Variants in NTNG1 observed in about 807,000 individuals in gnomAD.
NTNG1 encodes netrin G1.
NTNG1 carries 16 observed loss-of-function variants against 54.0 expected under a neutral mutation model. The observed-to-expected ratio is 0.30, with a 90% CI of 0.20 to 0.45. NTNG1 has a LOEUF of 0.45. Among genes scored for constraint, NTNG1 ranks in the 20% least tolerant of loss-of-function variants. NTNG1 has a pLI of 1.00. For missense variants in NTNG1, 530 were observed against 678.7 expected, an observed-to-expected ratio of 0.78 and a Z score of 2.43; for synonymous variants, 255 against 263.1, an observed-to-expected ratio of 0.97 and a Z score of 0.30.
intron 5 of NTNG1, chr1:107,418,741 G>T: frequency 1.5e-6 from 1 of 689,338 alleles, no homozygotes; most frequent in South Asian, 1.9e-5. Context: ...GCATTATCAT[G>T]AATGCTATGT....
intron 2 of NTNG1, among the ~76,000 whole-genome samples, chr1:107,300,684 C>A (rs576829667): frequency 1.3e-3 from 199 of 152,234 alleles, no homozygotes; most frequent in African/African-American, 4.5e-3. Context: ...TCAGTTCAAG[C>A]AAGTGATTCA....
At chr1:107,426,318 T>C (rs1315005199) in intron 5 of NTNG1, among the ~76,000 whole-genome samples, 1 of 151,802 alleles carries the variant, frequency 6.6e-6, no homozygotes, top group Non-Finnish European at 1.5e-5. Context: ...TATATGTAGG[T>C]CCTTAATCCA....
At chr1:107,287,127 A>G (rs1444557658) in intron 2 of NTNG1, among the ~76,000 whole-genome samples, 1 of 152,176 alleles carries the variant, frequency 6.6e-6, no homozygotes, top group African/African-American at 2.4e-5. Flanking sequence ...GTATTTATTT[A>G]TAAGAAGAAG....
In NTNG1 at chr1:107,324,609, T is replaced by A. The variant is rs768997021; in HGVS notation, c.574T>A (p.Ser192Thr). Residue 192 changes from serine to threonine, a missense_variant, in exon 3 of 8, where the codon TCC (serine) becomes ACC (threonine). This residue lies in a region of NTNG1 where 318 missense variants were observed against 465.1 expected (regional missense o/e 0.68). Coordinates refer to ENST00000370068, the MANE Select transcript of NTNG1 (RefSeq NM_001113226.3). The stretch of plus-strand genomic sequence containing the variant: ...AGATGCTTTTCACATGGATCCTAAA[T>A]CCGTGAAGGATTTATCACAGCATAC... ...CLDAFHMDPK[S>T]VKDLSQHTVL... The A allele has an allele frequency of 1.2e-6, 2 of 1,613,662 alleles. No individual in the cohort carries two copies. Among genetic ancestry groups the A allele is most frequent in the South Asian group, 2.2e-5 (2 of 91,080 alleles).
intron 2 of NTNG1, among the ~76,000 whole-genome samples, chr1:107,293,861 T>A (rs1665779112): frequency 6.6e-6 from 1 of 151,282 alleles, no homozygotes; most frequent in African/African-American, 2.4e-5. Flanking sequence ...TAAAAGTGGT[T>A]ATCTTGGAAT....
At chr1:107,469,821 C>T (rs193043544) in intron 7 of NTNG1, among the ~76,000 whole-genome samples, 128 of 152,150 alleles carry the variant, frequency 8.4e-4, no homozygotes, top group African/African-American at 2.9e-3. Flanking sequence ...ATGACAGCAA[C>T]AATAAACAGG....
intron 3 of NTNG1, among the ~76,000 whole-genome samples, chr1:107,372,394 A>G (rs1356903990): frequency 6.6e-6 from 1 of 151,950 alleles, no homozygotes; most frequent in Non-Finnish European, 1.5e-5. Context: ...AAAAATCTCA[A>G]AAGGGAAACT....
chr1:107,266,554 T>C (rs1389078477), intron 2 of NTNG1, among the ~76,000 whole-genome samples: 1 of 151,444 alleles, frequency 6.6e-6, no homozygotes, highest in Non-Finnish European at 1.5e-5. Flanking sequence ...TCCTCTAACA[T>C]TGGGGATTAC....
At chr1:107,204,144 T>C (rs1658989213) in intron 2 of NTNG1, among the ~76,000 whole-genome samples, 1 of 152,054 alleles carries the variant, frequency 6.6e-6, no homozygotes, top group South Asian at 2.1e-4. Context: ...GTTTTGTTTT[T>C]CCCCCTCTGG....
chr1:107,398,485 A>T (rs568954307), intron 4 of NTNG1, among the ~76,000 whole-genome samples: 1 of 152,268 alleles, frequency 6.6e-6, no homozygotes, highest in Admixed American at 6.5e-5. Context: ...GTTCAAGACC[A>T]CTGTTGTATG....
rs540661044 is a variant in NTNG1, at chr1:107,427,446, C to A, written c.1088-3304C>A. On this transcript the variant is annotated intron_variant, in intron 5 of 7. Coordinates refer to ENST00000370068, the MANE Select transcript of NTNG1 (RefSeq NM_001113226.3). Reference sequence around the variant, plus strand: ...GTAGGATAATGCAACTCAAGCTGTACCTTAATAGGTTCTGTGCCTGTGTGG... The same window carrying A: ...GTAGGATAATGCAACTCAAGCTGTAACTTAATAGGTTCTGTGCCTGTGTGG... 4.1e-4 allele frequency among the ~76,000 whole-genome samples: 63 copies of A among 152,082 alleles called. No individual in the cohort carries two copies. The South Asian group carries it at 0.012, about 28-fold the overall frequency.
rs374436532 is a variant in NTNG1 at position 107,460,868 on chromosome 1, T to TG, written c.1391-19740dup. On this transcript the variant is annotated intron_variant, in intron 7 of 7. Coordinates refer to ENST00000370068, the MANE Select transcript of NTNG1 (RefSeq NM_001113226.3). ...TAGAGGGTCTGGCAGCCCCGTGTAC[T>TG]GGGCTGCTAATGGTGTTCAGTAGTT... Among the ~76,000 whole-genome samples the TG allele has an allele frequency of 2.8e-4, 42 of 152,324 alleles. No individual in the cohort carries two copies. The Middle Eastern group carries it at 0.014, about 49-fold the overall frequency.
At chr1:107,278,976 A>G (rs141952068) in intron 2 of NTNG1, among the ~76,000 whole-genome samples, 1 of 152,274 alleles carries the variant, frequency 6.6e-6, no homozygotes, top group East Asian at 1.9e-4. Flanking sequence ...TGCTATAACC[A>G]TAACCAGGGT....
At chr1:107,477,270 T>A (rs548893360) in intron 7 of NTNG1, among the ~76,000 whole-genome samples, 1 of 152,310 alleles carries the variant, frequency 6.6e-6, no homozygotes, top group South Asian at 2.1e-4. Flanking sequence ...TAGGAACCTC[T>A]AACGGTGTGA....
chr1:107,325,594 T>A (rs1245957190), intron 3 of NTNG1, among the ~76,000 whole-genome samples: 1 of 152,118 alleles, frequency 6.6e-6, no homozygotes, highest in Non-Finnish European at 1.5e-5. Context: ...AGCTTTGGTT[T>A]TGATAATATA....
At chr1:107,360,719 G>A (rs938166001) in intron 3 of NTNG1, among the ~76,000 whole-genome samples, 8 of 152,102 alleles carry the variant, frequency 5.3e-5, no homozygotes, top group Non-Finnish European at 8.8e-5. Flanking sequence ...ATATTAGAAA[G>A]CATTTAAGTA....
chr1:107,329,838 C>T (rs1035420800), intron 3 of NTNG1, among the ~76,000 whole-genome samples: 2 of 151,914 alleles, frequency 1.3e-5, no homozygotes, highest in Admixed American at 1.3e-4. Context: ...GAAGATGCAC[C>T]AAGCATAGTC....
At chr1:107,168,937 T>C (rs781255552) in intron 2 of NTNG1, among the ~76,000 whole-genome samples, 2 of 152,208 alleles carry the variant, frequency 1.3e-5, no homozygotes, top group Non-Finnish European at 2.9e-5. Context: ...CTTCCATATG[T>C]AGGCTAGCCT....
chr1:107,177,916 G>A (rs1436497438), intron 2 of NTNG1, among the ~76,000 whole-genome samples: 1 of 152,094 alleles, frequency 6.6e-6, no homozygotes, highest in African/African-American at 2.4e-5. Flanking sequence ...TCTGGAGCTA[G>A]GAGGGACTAG....
Sources: allele counts gnomAD v4.1 joint callset (sites outside exome capture counted in the v4.1 genomes callset), GRCh38; gene constraint gnomAD v4.1.1; regional missense constraint gnomAD v4.1.1; transcripts MANE v1.5; gene names NCBI Gene and HGNC (gene_info 2026-07-23, HGNC 2026-07-21).